LRMDA: variants seen among roughly 807,000 people sequenced by gnomAD.
LRMDA encodes leucine rich melanocyte differentiation associated.
LRMDA carries 18 observed loss-of-function variants against 29.8 expected under a neutral mutation model. That is an observed-to-expected ratio of 0.60 (90% CI 0.42 to 0.90). The LOEUF (loss-of-function observed/expected upper bound fraction) is 0.90. LRMDA is among the 40% of genes least tolerant of loss of function. The probability of loss-of-function intolerance (pLI) is 0.00; values close to 1 mark genes in which losing one functional copy is unlikely to be tolerated. For missense variants in LRMDA, 273 were observed against 273.9 expected (o/e 1.00, Z 0.02); for synonymous variants, 125 against 109.4 (o/e 1.14, Z -0.89).
chr10:76,482,332 T>C (rs1331759212), intron 6 of LRMDA, among the ~76,000 whole-genome samples: 1 of 151,922 alleles, frequency 6.6e-6, no homozygotes, highest in Non-Finnish European at 1.5e-5. Context: ...TAAATCCCCC[T>C]TTTACCCCAC....
chr10:75,816,065 T>C (rs1376431314), intron 2 of LRMDA, among the ~76,000 whole-genome samples: 1 of 152,240 alleles, frequency 6.6e-6, no homozygotes, highest in Non-Finnish European at 1.5e-5. Context: ...GCAGCTATGA[T>C]CTTTCATGTG....
At chr10:76,188,300 C>T (rs925822465) in intron 5 of LRMDA, among the ~76,000 whole-genome samples, 3 of 152,130 alleles carry the variant, frequency 2.0e-5, no homozygotes, top group African/African-American at 7.2e-5. Context: ...ATTCACTGTG[C>T]GTTTTGTTTC....
chr10:76,033,680 G>A (rs971481841), intron 2 of LRMDA, among the ~76,000 whole-genome samples: 3 of 152,106 alleles, frequency 2.0e-5, no homozygotes, highest in African/African-American at 4.8e-5. Context: ...GCCTTTGAGC[G>A]GAGTCCAACT....
At chr10:76,546,159 A>T (rs955899429) in intron 6 of LRMDA, among the ~76,000 whole-genome samples, 1 of 152,210 alleles carries the variant, frequency 6.6e-6, no homozygotes, top group African/African-American at 2.4e-5. Flanking sequence ...CTTTTCATCT[A>T]TTCCACAATT....
chr10:76,048,783 A>G (rs1848483315), intron 4 of LRMDA, among the ~76,000 whole-genome samples: 1 of 152,144 alleles, frequency 6.6e-6, no homozygotes, highest in African/African-American at 2.4e-5. Context: ...TATAGATCCT[A>G]TCTTGTGTAT....
At chr10:75,787,469 A>G (rs766975409) in intron 2 of LRMDA, among the ~76,000 whole-genome samples, 4 of 152,096 alleles carry the variant, frequency 2.6e-5, no homozygotes, top group Admixed American at 6.6e-5. Flanking sequence ...ACTTGGTTGG[A>G]TTCCAGTCTG....
At chr10:75,951,268 G>A (rs1323591638) in intron 2 of LRMDA, among the ~76,000 whole-genome samples, 1 of 152,186 alleles carries the variant, frequency 6.6e-6, no homozygotes, top group African/African-American at 2.4e-5. Context: ...GCACTAAGTG[G>A]TTCAGAGCTA....
intron 2 of LRMDA, among the ~76,000 whole-genome samples, chr10:75,934,216 C>T (rs1846249904): frequency 6.6e-6 from 1 of 152,184 alleles, no homozygotes; most frequent in African/African-American, 2.4e-5. Context: ...ATGTTAATTA[C>T]ACTCATTACA....
intron 5 of LRMDA, among the ~76,000 whole-genome samples, chr10:76,064,506 T>A (rs1434047512): frequency 6.6e-6 from 1 of 152,218 alleles, no homozygotes; most frequent in Non-Finnish European, 1.5e-5. Flanking sequence ...GTATTTTTTG[T>A]CTATACCTAA....
At chr10:76,495,296 T>C (rs1054749591) in intron 6 of LRMDA, among the ~76,000 whole-genome samples, 1 of 151,940 alleles carries the variant, frequency 6.6e-6, no homozygotes, top group Non-Finnish European at 1.5e-5. Flanking sequence ...GAATTGTTTG[T>C]TCCTTTATTA....
chr10:75,831,291 C>G (rs1272188326), intron 2 of LRMDA, among the ~76,000 whole-genome samples: 1 of 152,186 alleles, frequency 6.6e-6, no homozygotes, highest in East Asian at 1.9e-4. Context: ...TCATGATCCA[C>G]CCATCTTGGT....
intron 2 of LRMDA, among the ~76,000 whole-genome samples, chr10:75,954,056 C>T (rs1299944765): frequency 1.3e-5 from 2 of 152,200 alleles, no homozygotes; most frequent in African/African-American, 2.4e-5. Context: ...CGAGAAGGAT[C>T]GGGCAGCTCC....
At chr10:76,544,682 A>G (rs78481407) in intron 6 of LRMDA, among the ~76,000 whole-genome samples, 5,044 of 150,844 alleles carry the variant, frequency 0.033, 100 homozygotes, top group Non-Finnish European at 0.052. Flanking sequence ...TAACATATAC[A>G]TACACATATA....
At chr10:76,007,814 C>T (rs922095814) in intron 2 of LRMDA, among the ~76,000 whole-genome samples, 16 of 152,056 alleles carry the variant, frequency 1.1e-4, no homozygotes, top group Admixed American at 9.2e-4. Context: ...GAGCCGAGGC[C>T]GTCTTTGTGA....
rs767777499 is a variant in LRMDA, at chr10:76,557,227, G to A, written c.620G>A (p.Arg207His). Residue 207 changes from arginine (R) to histidine (H), a missense_variant, in exon 7 of 7, where the codon CGC (arginine) becomes CAC (histidine). Arg to His is a conservative substitution (Grantham distance 29). Coordinates refer to ENST00000611255, the MANE Select transcript of LRMDA (RefSeq NM_001305581.2). Reference sequence around the variant, plus strand: ...TTTGCAGGTGTCCTGGGGAAGTGTCGCTACGTTTACTATGGGAAAAACTCA... The same window carrying A: ...TTTGCAGGTGTCCTGGGGAAGTGTCACTACGTTTACTATGGGAAAAACTCA... ...TSHQGVLGKC[R>H]YVYYGKNSEG... 96 of 1,613,918 alleles carry A rather than the reference G, an allele frequency of 5.9e-5. No homozygotes were observed. Among genetic ancestry groups the A allele is most frequent in the Non-Finnish European group, 7.0e-5 (83 of 1,179,996 alleles).
At chr10:76,018,051 C>T (rs748513343) in intron 2 of LRMDA, among the ~76,000 whole-genome samples, 15 of 152,290 alleles carry the variant, frequency 9.8e-5, no homozygotes, top group African/African-American at 3.6e-4. Context: ...TCCTAGATCA[C>T]GATTTGGGCC....
intron 2 of LRMDA, among the ~76,000 whole-genome samples, chr10:75,816,144 T>C (rs919691938): frequency 6.6e-6 from 1 of 152,222 alleles, no homozygotes; most frequent in Admixed American, 6.5e-5. Context: ...CATTTTTCCA[T>C]TATGGTTTCT....
intron 2 of LRMDA, among the ~76,000 whole-genome samples, chr10:75,715,727 A>G (rs1467288856): frequency 6.6e-6 from 1 of 152,030 alleles, no homozygotes; most frequent in East Asian, 1.9e-4. Context: ...AATTCATAAT[A>G]TTTTATTGTA....
chr10:76,288,632 G>A (rs1469313052), intron 5 of LRMDA, among the ~76,000 whole-genome samples: 1 of 152,210 alleles, frequency 6.6e-6, no homozygotes, highest in African/African-American at 2.4e-5. Context: ...CAGGAGCTCA[G>A]TCTAAAAGCA....
Sources: allele counts gnomAD v4.1 joint callset (sites outside exome capture counted in the v4.1 genomes callset), GRCh38; gene constraint gnomAD v4.1.1; transcripts MANE v1.5; gene names NCBI Gene and HGNC (gene_info 2026-07-23, HGNC 2026-07-21).